BLZF1: variants seen among roughly 807,000 people sequenced by gnomAD.
BLZF1 encodes golgin-45.
A neutral mutation model predicts 43.8 loss-of-function variants in BLZF1; 39 were observed. The observed-to-expected ratio is 0.89, with a 90% CI of 0.69 to 1.16. The LOEUF (loss-of-function observed/expected upper bound fraction) is 1.16. BLZF1 is among the 50% of genes most tolerant of loss of function. The pLI, the probability that BLZF1 is intolerant of heterozygous loss-of-function variation, is 0.00. For synonymous variants in BLZF1, 136 were observed against 159.4 expected (o/e 0.85, Z 1.11); for missense variants, 449 against 469.8 (o/e 0.96, Z 0.41).
At chr1:169,383,462 T>C (rs1283411458) in intron 6 of BLZF1, among the ~76,000 whole-genome samples, 2 of 152,198 alleles carry the variant, frequency 1.3e-5, no homozygotes, top group African/African-American at 4.8e-5. Context: ...GATATGGCTT[T>C]ATCACCTTCC....
At chr1:169,374,942 G>A (rs900285497) in intron 2 of BLZF1, among the ~76,000 whole-genome samples, 1 of 151,860 alleles carries the variant, frequency 6.6e-6, no homozygotes, top group Admixed American at 6.6e-5. Flanking sequence ...TAGGTATTGA[G>A]CATGCAAATA....
At chr1:169,389,294 C>CA (rs558564302), downstream of BLZF1, among the ~76,000 whole-genome samples, 4,417 of 147,722 alleles carry the variant, frequency 0.03, 184 homozygotes, top group African/African-American at 0.1. Context: ...AACTTCCTCT[C>CA]AAAAAAAAAC....
In BLZF1 at chr1:169,368,236, G is replaced by T. The variant is rs142872438; in HGVS notation, c.-157G>T. On this transcript the variant is annotated 5_prime_UTR_variant, in exon 1 of 7. Coordinates refer to ENST00000367808, the MANE Select transcript of BLZF1 (RefSeq NM_001320973.2). Reference sequence around the variant, plus strand: ...CTGGATATGCGGAGGGACTGGGCGGGTCGGCTTCCGAATGGAAGAGGTCTG... The same window carrying T: ...CTGGATATGCGGAGGGACTGGGCGGTTCGGCTTCCGAATGGAAGAGGTCTG... The T allele has an allele frequency of 2.5e-3, 422 of 167,778 alleles. 1 individual carries two copies. Among genetic ancestry groups the T allele is most frequent in the South Asian group, 0.014 (110 of 7,942 alleles). 10.4% of individuals were successfully genotyped at this position (167,778 alleles called of 1,614,324 possible).
At chr1:169,378,291 T>C (rs754320847) in intron 3 of BLZF1, 39 bp from the exon 4 acceptor site, 5 of 1,574,670 alleles carry the variant, frequency 3.2e-6, no homozygotes, top group South Asian at 1.1e-5. Flanking sequence ...GTTAGTGATA[T>C]TACTTTGAGC....
chr1:169,376,698 C>G lies in BLZF1; in HGVS notation c.187C>G (p.Leu63Val). 6.2e-7 allele frequency: 1 copy of G among 1,613,378 alleles called. No individual in the cohort carries two copies. The highest frequency in any genetic ancestry group is 8.5e-7 in the Non-Finnish European group (1 of 1,179,600). Reference sequence around the variant, plus strand: ...AGTTCCATCAGAGAGCCCAGGAGTTCTTCAGCTAGGGAAAATGCTCACTGA... The same window carrying G: ...AGTTCCATCAGAGAGCCCAGGAGTTGTTCAGCTAGGGAAAATGCTCACTGA... Reference protein sequence around the residue: ...KAVPSESPGVLQLGKMLTEKA... With the variant: ...KAVPSESPGVVQLGKMLTEKA... The change falls in exon 3 of 7, where the codon CTT becomes GTT. Residue 63 changes from leucine (L) to valine (V), a missense_variant. Coordinates refer to ENST00000367808, the MANE Select transcript of BLZF1 (RefSeq NM_001320973.2).
intron 2 of BLZF1, among the ~76,000 whole-genome samples, chr1:169,374,785 T>C (rs10800441): frequency 0.53 from 81,148 of 151,968 alleles, 22,493 homozygotes; most frequent in Non-Finnish European, 0.6. Context: ...TATTTCTGTC[T>C]ATATCAACAT....
chr1:169,375,735 A>T (rs577414740), intron 2 of BLZF1, among the ~76,000 whole-genome samples: 212 of 151,210 alleles, frequency 1.4e-3, no homozygotes, highest in Non-Finnish European at 2.3e-3. Flanking sequence ...ATTGTTACTG[A>T]TCTGTGTGCT....
At chr1:169,377,723 C>A (rs1477746501) in intron 3 of BLZF1, among the ~76,000 whole-genome samples, 1 of 151,934 alleles carries the variant, frequency 6.6e-6, no homozygotes, top group Non-Finnish European at 1.5e-5. Context: ...AGTGTCACAA[C>A]CCACTTTTTT....
chr1:169,369,621 A>C lies in BLZF1; in HGVS notation c.28+71A>C, dbSNP rs747015706. ...CGATGTGAAGGAACGTTTGAGCCAG[A>C]TAACTAGATCTCATGGACCCCCTTG... On this transcript the variant is annotated intron_variant, in intron 2 of 6. Coordinates refer to ENST00000367808, the MANE Select transcript of BLZF1 (RefSeq NM_001320973.2). 17 of 1,211,048 alleles carry C rather than the reference A, an allele frequency of 1.4e-5. No homozygotes were observed. In the South Asian group the frequency reaches 2.1e-4, roughly 15 times the overall value. 75.0% of individuals were successfully genotyped at this position (1,211,048 alleles called of 1,614,324 possible). A position where few individuals can be genotyped will look rare whatever the true frequency, so the allele number is the denominator to read the frequency against.
chr1:169,379,954 C>CAT (rs1557848914), intron 4 of BLZF1, among the ~76,000 whole-genome samples: 1 of 151,686 alleles, frequency 6.6e-6, no homozygotes, highest in Non-Finnish European at 1.5e-5. Context: ...ATTTTTAACA[C>CAT]ATGTATATGT....
intron 2 of BLZF1, among the ~76,000 whole-genome samples, chr1:169,375,229 T>C (rs1654259550): frequency 6.6e-6 from 1 of 151,024 alleles, no homozygotes; most frequent in Non-Finnish European, 1.5e-5. Context: ...ATTCTAGCCA[T>C]AAAATAAAAA....
chr1:169,386,996 G>T lies in BLZF1; in HGVS notation c.1018-1G>T. 6.3e-7 allele frequency: 1 copy of T among 1,597,524 alleles called. No individual in the cohort carries two copies. Among genetic ancestry groups the T allele is most frequent in the Non-Finnish European group, 8.5e-7 (1 of 1,170,804 alleles). ...CTGACATTATATCTTATTTTCCTTAGGTTCTAAGAATTTTAGATCCAGTTA... is the reference window on the plus strand; with the variant it reads ...CTGACATTATATCTTATTTTCCTTATGTTCTAAGAATTTTAGATCCAGTTA... On this transcript the variant is annotated splice_acceptor_variant, in intron 6 of 6. Coordinates refer to ENST00000367808, the MANE Select transcript of BLZF1 (RefSeq NM_001320973.2). LOFTEE classifies it high-confidence loss of function.
intron 2 of BLZF1, among the ~76,000 whole-genome samples, chr1:169,370,264 T>C (rs1344234379): frequency 6.6e-6 from 1 of 152,222 alleles, no homozygotes; most frequent in Admixed American, 6.5e-5. Flanking sequence ...ACTAATTACA[T>C]CTGCAGTGAT....
Position 169,388,079 on chromosome 1 carries a change from G to A in BLZF1, c.*897G>A, listed in dbSNP as rs1179411516. ...TATACTATGTAATATATATTATTGTGTATTTATGATTAGCCATCATAAATG... is the reference window on the plus strand; with the variant it reads ...TATACTATGTAATATATATTATTGTATATTTATGATTAGCCATCATAAATG... On this transcript the variant is annotated 3_prime_UTR_variant, in exon 7 of 7. Coordinates refer to ENST00000367808, the MANE Select transcript of BLZF1 (RefSeq NM_001320973.2). The A allele has an allele frequency of 2.0e-5, 3 of 152,044 alleles. No homozygotes were observed. Among genetic ancestry groups the A allele is most frequent in the Non-Finnish European group, 4.4e-5 (3 of 67,998 alleles). The allele number at this position is 152,044 out of a possible 1,614,324, so 9.4% of individuals were successfully genotyped here.
At chr1:169,383,143 C>T (rs926025952) in intron 6 of BLZF1, among the ~76,000 whole-genome samples, 1 of 152,100 alleles carries the variant, frequency 6.6e-6, no homozygotes, top group Non-Finnish European at 1.5e-5. Context: ...TTTCAGTACC[C>T]ATCAAATACT....
chr1:169,393,802 A>G (rs1654879990), intron 7 of BLZF1, among the ~76,000 whole-genome samples: 1 of 151,954 alleles, frequency 6.6e-6, no homozygotes, highest in Non-Finnish European at 1.5e-5. Flanking sequence ...GGGTTTCGCC[A>G]TGTTGGCCAG....
chr1:169,394,084 T>A (rs948512854), intron 7 of BLZF1, among the ~76,000 whole-genome samples: 1 of 152,206 alleles, frequency 6.6e-6, no homozygotes, highest in African/African-American at 2.4e-5. Context: ...AGGAATGTAA[T>A]CTTTATAATA....
downstream of BLZF1, among the ~76,000 whole-genome samples, chr1:169,391,829 G>A (rs1654821343): frequency 1.3e-5 from 2 of 152,182 alleles, no homozygotes; most frequent in South Asian, 2.1e-4. Context: ...AAATCACGGA[G>A]GTTTGGGGAG....
chr1:169,382,350 T>C (rs911638202), intron 6 of BLZF1, 69 bp downstream of exon 6: 11 of 1,400,344 alleles, frequency 7.9e-6, no homozygotes, highest in Admixed American at 5.7e-5. Flanking sequence ...TGACATATCA[T>C]GGAAAGCATT....
Sources: allele counts gnomAD v4.1 joint callset (sites outside exome capture counted in the v4.1 genomes callset), GRCh38; gene constraint gnomAD v4.1.1; transcripts MANE v1.5; gene names NCBI Gene and HGNC (gene_info 2026-07-23, HGNC 2026-07-21).